The following PPP2R1B variants were observed in gnomAD, a reference collection of about 807,000 sequenced individuals.
PPP2R1B encodes serine/threonine-protein phosphatase 2A 65 kDa regulatory subunit A beta isoform.
PPP2R1B carries 58 observed loss-of-function variants against 72.7 expected under a neutral mutation model. The ratio of observed to expected loss-of-function variants is 0.80; its 90% CI spans 0.65 to 0.99. PPP2R1B has a LOEUF of 0.99. Ranked by LOEUF, PPP2R1B falls within the 50% of genes least tolerant of loss-of-function variation. PPP2R1B has a pLI of 0.00. For missense variants in PPP2R1B, 695 were observed against 733.6 expected (o/e 0.95, Z 0.61); for synonymous variants, 256 against 264.6 (o/e 0.97, Z 0.32).
chr11:111,741,698 C>A, intron 14 of PPP2R1B, 86 bp from the exon 15 acceptor site: 1 of 1,372,938 alleles, frequency 7.3e-7, no homozygotes, highest in Non-Finnish European at 1.0e-6. Context: ...AACAATGATC[C>A]AAACGTATCA....
downstream of PPP2R1B, chr11:111,737,810 T>C (rs1430577426): frequency 1.8e-5 from 23 of 1,302,910 alleles, no homozygotes; most frequent in Non-Finnish European, 2.1e-5. Flanking sequence ...GGTGTCCACC[T>C]GGCTGTTCCC....
downstream of PPP2R1B, chr11:111,724,171 G>GT (rs755213727): frequency 3.2e-6 from 5 of 1,561,474 alleles, no homozygotes; most frequent in Non-Finnish European, 8.6e-7. Flanking sequence ...AAGGAAGAGT[G>GT]TATGTTCCTA....
rs781002866 is a variant in PPP2R1B, at chr11:111,743,393, T to G, written c.1537A>C (p.Thr513Pro). The G allele has an allele frequency of 5.6e-6, 9 of 1,610,818 alleles. No homozygotes were observed. Among genetic ancestry groups the G allele is most frequent in the Non-Finnish European group, 7.6e-6 (9 of 1,177,708 alleles). ...ATACTTACATTAATGCAGAATAAAG[T>G]GGTCATTCTATGCAAGTAATTAGGA... ...NDPNYLHRMT[T>P]LFCINALSEA... The change falls in exon 12 of 15, where the codon ACT (threonine) becomes CCT (proline). Residue 513 changes from threonine (T) to proline (P), a missense_variant. Thr to Pro is a conservative substitution (Grantham distance 38). Coordinates refer to ENST00000527614, the MANE Select transcript of PPP2R1B (RefSeq NM_002716.5).
intron 3 of PPP2R1B, among the ~76,000 whole-genome samples, chr11:111,763,870 A>C (rs199883992): frequency 0.027 from 3,516 of 128,210 alleles, 50 homozygotes; most frequent in South Asian, 0.048. Context: ...CTCTCTCTCT[A>C]TATATATATA....
At chr11:111,734,606 TCAAGGTC>T (rs1440509802), downstream of PPP2R1B, among the ~76,000 whole-genome samples, 1 of 152,242 alleles carries the variant, frequency 6.6e-6, no homozygotes, top group Non-Finnish European at 1.5e-5. Flanking sequence ...CCCATGGACT[TCAAGGTC>T]CAATTGCCTT....
chr11:111,723,701 A>G, downstream of PPP2R1B: 1 of 1,614,116 alleles, frequency 6.2e-7, no homozygotes, highest in Non-Finnish European at 8.5e-7. Context: ...CTCCGAGCAG[A>G]TGCAATACAG....
intron 10 of PPP2R1B, among the ~76,000 whole-genome samples, chr11:111,751,254 G>C (rs1944897451): frequency 6.6e-6 from 1 of 152,134 alleles, no homozygotes; most frequent in African/African-American, 2.4e-5. Flanking sequence ...AAGTTTCCTT[G>C]AGCAAAAATC....
intron 11 of PPP2R1B, among the ~76,000 whole-genome samples, chr11:111,744,640 T>G (rs955452463): frequency 6.6e-6 from 1 of 152,156 alleles, no homozygotes; most frequent in Non-Finnish European, 1.5e-5. Flanking sequence ...TAATTCCTTA[T>G]TCTACTTCTC....
intron 3 of PPP2R1B, among the ~76,000 whole-genome samples, chr11:111,762,234 TAAAGA>T (rs1200653576): frequency 7.9e-5 from 12 of 152,168 alleles, no homozygotes; most frequent in African/African-American, 1.7e-4. Context: ...CATAATGAGT[TAAAGA>T]AAAGAAGTGT....
chr11:111,754,828 T>C (rs1945041643), intron 7 of PPP2R1B, 152 bp downstream of exon 7: 3 of 856,516 alleles, frequency 3.5e-6, no homozygotes, highest in Non-Finnish European at 3.5e-6. Flanking sequence ...AAAGAGACTA[T>C]CTTTAAGTGA....
At chr11:111,724,164 G>GA, downstream of PPP2R1B, 1 of 1,585,270 alleles carries the variant, frequency 6.3e-7, no homozygotes, top group South Asian at 1.1e-5. Flanking sequence ...TCAGGTGAAG[G>GA]AAGAGTGTAT....
intron 11 of PPP2R1B, among the ~76,000 whole-genome samples, chr11:111,743,941 C>T (rs1357741438): frequency 6.6e-6 from 1 of 152,076 alleles, no homozygotes; most frequent in Admixed American, 6.5e-5. Context: ...TGTAGCAGTG[C>T]AGAGAAGAGT....
chr11:111,712,913 C>A, the PPP2R1B span, among the ~76,000 whole-genome samples: 1 of 152,134 alleles, frequency 6.6e-6, no homozygotes, highest in African/African-American at 2.4e-5. Context: ...GCCTGTAATC[C>A]CAGCACTTTG....
At chr11:111,763,847 A>C (rs1276998914) in intron 3 of PPP2R1B, among the ~76,000 whole-genome samples, 23 of 146,232 alleles carry the variant, frequency 1.6e-4, no homozygotes, top group Admixed American at 6.9e-5. Flanking sequence ...CAGAAAAAAA[A>C]CTCTCTCTCT....
At position 111,754,575 on chromosome 11, in the gene PPP2R1B, A is replaced by C; in HGVS notation, c.959-6T>G. On this transcript the variant is annotated splice_polypyrimidine_tract_variant and splice_region_variant and intron_variant, in intron 7 of 14. Transcript: ENST00000527614. The stretch of plus-strand genomic sequence containing the variant: ...GGGCAAGTTCTCACCAAGTTCTAAA[A>C]GATAAATAGAAAAAAAGAATGCTTT... 1 of 1,594,216 alleles carries C rather than the reference A, an allele frequency of 6.3e-7. No homozygotes were observed. The highest frequency in any genetic ancestry group is 8.5e-7 in the Non-Finnish European group (1 of 1,175,562).
At chr11:111,752,121 G>A (rs782636245) in intron 10 of PPP2R1B, 38 bp downstream of exon 10, 1 of 1,547,174 alleles carries the variant, frequency 6.5e-7, no homozygotes, top group Non-Finnish European at 8.7e-7. Context: ...GTCACTATCT[G>A]ACACTACCCT....
chr11:111,733,180 C>A (rs920066439), downstream of PPP2R1B, among the ~76,000 whole-genome samples: 1 of 152,210 alleles, frequency 6.6e-6, no homozygotes, highest in African/African-American at 2.4e-5. Flanking sequence ...TTCCAGCAAG[C>A]CTTCCTGCTG....
In PPP2R1B at chr11:111,741,645, T is replaced by G. The variant is rs757067587; in HGVS notation, c.1790-33A>C. The G allele has an allele frequency of 5.0e-6, 8 of 1,607,990 alleles. No homozygotes were observed. The South Asian group carries it at 8.9e-5, about 18-fold the overall frequency. On this transcript the variant is annotated intron_variant, in intron 14 of 14. Transcript: ENST00000527614. ...ATTCCAAACAAAATCAGGTTAGTGG[T>G]ACAGAAAGTTCACGAACGATCTATG... is the stretch of plus-strand genomic sequence containing the variant.
chr11:111,712,400 G>A, the PPP2R1B span: 2 of 1,600,740 alleles, frequency 1.2e-6, no homozygotes, highest in East Asian at 4.5e-5. Context: ...GAGAGTCTCA[G>A]AACTGGCAGT....
Sources: allele counts gnomAD v4.1 joint callset (sites outside exome capture counted in the v4.1 genomes callset), GRCh38; gene constraint gnomAD v4.1.1; transcripts MANE v1.5; gene names NCBI Gene and HGNC (gene_info 2026-07-23, HGNC 2026-07-21).